TRPV1: variants seen among roughly 807,000 people sequenced by gnomAD.
The protein encoded by TRPV1 is OTRPC1.
Under a neutral mutation model 82.3 loss-of-function variants are expected in TRPV1, and 82 were observed. The observed-to-expected ratio is 1.00, with a 90% CI of 0.83 to 1.20. The LOEUF is 1.20. Ranked by LOEUF, TRPV1 falls within the 50% of genes most tolerant of loss-of-function variation. The pLI is 0.00. For missense variants in TRPV1, 1,067 were observed against 1,096.8 expected (o/e 0.97, Z 0.38); for synonymous variants, 515 against 467.7 (o/e 1.10, Z -1.30).
chr17:3,597,123 C>G (rs991126371), intron 2 of TRPV1: 1 of 152,734 alleles, frequency 6.5e-6, no homozygotes, highest in South Asian at 2.1e-4. Context: ...ACGCTTCCAG[C>G]GATGCAAGCA....
chr17:3,586,792 A>G (rs1459469751), intron 8 of TRPV1, among the ~76,000 whole-genome samples: 1 of 152,046 alleles, frequency 6.6e-6, no homozygotes, highest in Non-Finnish European at 1.5e-5. Context: ...ATAAAATAAA[A>G]TAAAAATAAG....
chr17:3,576,848 CAAAA>C (rs989451980), intron 13 of TRPV1, among the ~76,000 whole-genome samples: 1 of 39,074 alleles, frequency 2.6e-5, no homozygotes, highest in South Asian at 9.5e-4. Flanking sequence ...GACTCCATCT[CAAAA>C]AAAAAAAAAA....
chr17:3,574,248 G>C (rs965196747), intron 13 of TRPV1, among the ~76,000 whole-genome samples: 1 of 152,126 alleles, frequency 6.6e-6, no homozygotes, highest in African/African-American at 2.4e-5. Context: ...CCCCACACCT[G>C]CTTTGTCCAT....
intron 16 of TRPV1, among the ~76,000 whole-genome samples, chr17:3,571,166 A>T (rs539686936): frequency 1.9e-4 from 29 of 152,294 alleles, no homozygotes; most frequent in African/African-American, 7.0e-4. Flanking sequence ...TCGCATGCAC[A>T]CGTGCAGAGT....
chr17:3,586,357 AGGCAGGGC>A (rs1451265246), intron 8 of TRPV1, among the ~76,000 whole-genome samples: 2 of 152,248 alleles, frequency 1.3e-5, no homozygotes, highest in Non-Finnish European at 2.9e-5. Context: ...GCCCTGGGTC[AGGCAGGGC>A]GGCAGGGAGG....
chr17:3,594,734 G>A (rs1031507791), intron 2 of TRPV1, among the ~76,000 whole-genome samples: 1 of 152,188 alleles, frequency 6.6e-6, no homozygotes, highest in Non-Finnish European at 1.5e-5. Flanking sequence ...TGCGCTGGGG[G>A]CACAGAGAGG....
chr17:3,569,186 C>T (rs926805097), intron 16 of TRPV1, among the ~76,000 whole-genome samples: 1 of 152,098 alleles, frequency 6.6e-6, no homozygotes, highest in African/African-American at 2.4e-5. Context: ...TTAATGGGTG[C>T]AGCACACCAA....
intron 14 of TRPV1, 100 bp downstream of exon 14, chr17:3,573,533 C>CCCA: frequency 1.2e-4 from 1 of 8,670 alleles, no homozygotes; most frequent in South Asian, 9.9e-4. Flanking sequence ...CCACACACCG[C>CCCA]CCCCACCACC....
intron 16 of TRPV1, among the ~76,000 whole-genome samples, chr17:3,568,253 T>C (rs143951354): frequency 0.024 from 3,374 of 138,540 alleles, 101 homozygotes; most frequent in East Asian, 0.16. Flanking sequence ...ACCCGGGAGG[T>C]GGAGCTTGCA....
chr17:3,593,832 G>C (rs1323213920), intron 2 of TRPV1, among the ~76,000 whole-genome samples: 1 of 152,138 alleles, frequency 6.6e-6, no homozygotes, highest in African/African-American at 2.4e-5. Flanking sequence ...TCCTTATGAA[G>C]AAGCTGTACT....
chr17:3,600,609 A>C (rs1190157582), intron 2 of TRPV1, among the ~76,000 whole-genome samples: 1 of 152,034 alleles, frequency 6.6e-6, no homozygotes, highest in Non-Finnish European at 1.5e-5. Flanking sequence ...AACGAAACAA[A>C]ACAAAAGACA....
At chr17:3,581,980 G>T (rs1444944067) in intron 10 of TRPV1, among the ~76,000 whole-genome samples, 2 of 147,460 alleles carry the variant, frequency 1.4e-5, no homozygotes, top group Non-Finnish European at 3.0e-5. Context: ...CACGAGGTCA[G>T]GAGATCGAGA....
intron 2 of TRPV1, among the ~76,000 whole-genome samples, chr17:3,602,832 C>T (rs551036274): frequency 1.3e-5 from 2 of 152,282 alleles, no homozygotes; most frequent in East Asian, 1.9e-4. Flanking sequence ...TCTCAAGATT[C>T]GAGCCCCAGC....
intron 13 of TRPV1, among the ~76,000 whole-genome samples, chr17:3,576,668 A>AAAAAAAAAAAATATAT: frequency 7.8e-5 from 3 of 38,390 alleles, no homozygotes; most frequent in Non-Finnish European, 1.6e-4. Flanking sequence ...AAAAAAAAAA[A>AAAAAAAAAAAATATAT]ATATATATAT....
chr17:3,580,714 T>G (rs1039059172), intron 10 of TRPV1, among the ~76,000 whole-genome samples, 187 bp from the exon 11 acceptor site: 1 of 152,088 alleles, frequency 6.6e-6, no homozygotes, highest in Non-Finnish European at 1.5e-5. Context: ...TCAGTAGAGA[T>G]GGTTAAAAAT....
chr17:3,593,852 G>A (rs1010504881), intron 2 of TRPV1, among the ~76,000 whole-genome samples: 3 of 152,122 alleles, frequency 2.0e-5, no homozygotes, highest in Non-Finnish European at 2.9e-5. Context: ...TGGCCTGGGC[G>A]CGTGGCTCAC....
chr17:3,576,653 GA>G lies in TRPV1; in HGVS notation c.1780+472del, dbSNP rs35781190. Among the ~76,000 whole-genome samples, 180 of 41,500 alleles carry G rather than the reference GA, an allele frequency of 4.3e-3. 5 individuals are homozygous for G. The highest frequency in any genetic ancestry group is 0.012 in the African/African-American group (160 of 13,646). 27.2% of individuals were successfully genotyped at this position (41,500 alleles called of 152,430 possible). A position where few individuals can be genotyped will look rare whatever the true frequency, so the allele number is the denominator to read the frequency against. ...GGCAAGAGAGCTAGACTCTGTATGA[GA>G]AAAAAAAAAAAAAAATATATATATA... is the stretch of plus-strand genomic sequence containing the variant. On this transcript the variant is annotated intron_variant, in intron 13 of 16. Transcript: ENST00000572705.
chr17:3,583,520 C>A, intron 9 of TRPV1, 90 bp from the exon 10 acceptor site: 1 of 1,061,184 alleles, frequency 9.4e-7, no homozygotes. Flanking sequence ...AGTCCCTGCC[C>A]AGGAGGCACA....
In TRPV1 at chr17:3,590,103, C is replaced by T; in HGVS notation, c.748G>A (p.Glu250Lys). 6.2e-7 allele frequency: 1 copy of T among 1,604,182 alleles called. No homozygotes were observed. Among genetic ancestry groups the T allele is most frequent in the Non-Finnish European group, 8.5e-7 (1 of 1,174,418 alleles). Reference sequence around the variant, plus strand: ...CACGCGGCCAGGGACAGGGGCAGTTCACCTGCATGAACACAGGGCCCAGGT... The same window carrying T: ...CACGCGGCCAGGGACAGGGGCAGTTTACCTGCATGAACACAGGGCCCAGGT... ...TKGRPGFYFGELPLSLAACTN... is the reference protein window; with the variant it reads ...TKGRPGFYFGKLPLSLAACTN... Residue 250 changes from glutamate (E) to lysine (K), a missense_variant and splice_region_variant, in exon 7 of 17, where the codon GAA becomes AAA. By Grantham distance (56) the Glu-to-Lys change is moderately conservative. Transcript: ENST00000572705.
Sources: allele counts gnomAD v4.1 joint callset (sites outside exome capture counted in the v4.1 genomes callset), GRCh38; gene constraint gnomAD v4.1.1; transcripts MANE v1.5; gene names NCBI Gene and HGNC (gene_info 2026-07-23, HGNC 2026-07-21).